Variants in PTPRD observed in about 807,000 individuals in gnomAD.
The protein encoded by PTPRD is receptor-type tyrosine-protein phosphatase delta.
In PTPRD, 34 loss-of-function variants were observed where a neutral mutation model predicts 214.5. The ratio of observed to expected loss-of-function variants is 0.16; its 90% CI spans 0.12 to 0.21. The LOEUF (loss-of-function observed/expected upper bound fraction) is 0.21, where lower values mean the gene tolerates loss of function less well. PTPRD is among the 10% of genes least tolerant of loss of function. The pLI, the probability that PTPRD is intolerant of heterozygous loss-of-function variation, is 1.00. For missense variants in PTPRD, 2,545 were observed against 2,398.7 expected, an observed-to-expected ratio of 1.06 and a Z score of -1.27; for synonymous variants, 1,128 against 845.7, an observed-to-expected ratio of 1.33 and a Z score of -5.79.
At chr9:8,409,776 C>T (rs1316694912) in intron 35 of PTPRD, among the ~76,000 whole-genome samples, 1 of 151,804 alleles carries the variant, frequency 6.6e-6, no homozygotes, top group Non-Finnish European at 1.5e-5. Context: ...AAAGAGAAAC[C>T]ACAAAAAAAG....
chr9:10,192,276 A>G (rs942166828), intron 3 of PTPRD, among the ~76,000 whole-genome samples: 2 of 151,994 alleles, frequency 1.3e-5, no homozygotes, highest in African/African-American at 4.8e-5. Flanking sequence ...TAATTGCCTG[A>G]GATGTTATGT....
chr9:10,324,923 C>T (rs551364220), intron 3 of PTPRD, among the ~76,000 whole-genome samples: 1 of 152,152 alleles, frequency 6.6e-6, no homozygotes, highest in South Asian at 2.1e-4. Context: ...TTTACCAACA[C>T]ACATACCATC....
At chr9:8,506,552 G>A (rs994672484) in intron 22 of PTPRD, among the ~76,000 whole-genome samples, 1 of 152,150 alleles carries the variant, frequency 6.6e-6, no homozygotes, top group Non-Finnish European at 1.5e-5. Flanking sequence ...ACTAGTGCGA[G>A]ACTTTGAGCA....
chr9:8,926,251 G>T (rs1409451512), intron 11 of PTPRD, among the ~76,000 whole-genome samples: 1 of 152,004 alleles, frequency 6.6e-6, no homozygotes, highest in Non-Finnish European at 1.5e-5. Context: ...TATTTCAGAT[G>T]TTACCACCTC....
intron 3 of PTPRD, among the ~76,000 whole-genome samples, chr9:10,097,894 G>A (rs1054409980): frequency 2.6e-5 from 4 of 151,764 alleles, no homozygotes; most frequent in Non-Finnish European, 4.4e-5. Context: ...CACTGTTGGC[G>A]AGACTGCAAA....
intron 44 of PTPRD, among the ~76,000 whole-genome samples, chr9:8,323,841 G>T (rs1442127502): frequency 2.0e-5 from 3 of 152,202 alleles, no homozygotes; most frequent in East Asian, 3.8e-4. Flanking sequence ...GCAGAGGAAT[G>T]ACTCCAATTT....
intron 11 of PTPRD, among the ~76,000 whole-genome samples, chr9:8,846,388 T>C (rs2097696892): frequency 6.6e-6 from 1 of 152,130 alleles, no homozygotes; most frequent in African/African-American, 2.4e-5. Flanking sequence ...GAGATGTCAC[T>C]GGGAATAAGA....
At chr9:8,534,263 A>T (rs754597502) in intron 14 of PTPRD, among the ~76,000 whole-genome samples, 4 of 151,912 alleles carry the variant, frequency 2.6e-5, no homozygotes, top group Non-Finnish European at 4.4e-5. Context: ...CCACATGTAT[A>T]AACACAATGA....
intron 44 of PTPRD, among the ~76,000 whole-genome samples, chr9:8,323,877 A>T (rs1036882513): frequency 1.3e-4 from 20 of 152,194 alleles, no homozygotes; most frequent in Admixed American, 6.5e-5. Flanking sequence ...TGTGAGTAAA[A>T]TGCTATCAAA....
At chr9:8,369,322 A>G (rs1001244938) in intron 39 of PTPRD, among the ~76,000 whole-genome samples, 3 of 151,940 alleles carry the variant, frequency 2.0e-5, no homozygotes, top group Non-Finnish European at 2.9e-5. Flanking sequence ...TTTCATCACT[A>G]TTGGGTTGGG....
intron 2 of PTPRD, among the ~76,000 whole-genome samples, chr9:10,380,857 T>C (rs1448590378): frequency 6.6e-6 from 1 of 152,056 alleles, no homozygotes; most frequent in Non-Finnish European, 1.5e-5. Context: ...TTGTGATTAG[T>C]CGATTATGCT....
In PTPRD at chr9:10,363,996, T is replaced by TTTG. The variant is rs1555222209; in HGVS notation, c.-599-22980_-599-22979insCAA. On this transcript the variant is annotated intron_variant, in intron 2 of 45. Coordinates refer to ENST00000381196, the MANE Select transcript of PTPRD (RefSeq NM_002839.4). ...TATTGCCTCCACATTTTCGGGTTTT[T>TTTG]TTTTTTTTTTTTTTTTTTTTTGAGA... Among the ~76,000 whole-genome samples, 5 of 98,632 alleles carry TTTG rather than the reference T, an allele frequency of 5.1e-5. 1 individual carries two copies. The highest frequency in any genetic ancestry group is 7.7e-5 in the African/African-American group (2 of 26,106). The allele number at this position is 98,632 out of a possible 152,430, so 64.7% of individuals were successfully genotyped here.
At chr9:9,038,777 G>A (rs1283272944) in intron 10 of PTPRD, among the ~76,000 whole-genome samples, 1 of 151,872 alleles carries the variant, frequency 6.6e-6, no homozygotes, top group Non-Finnish European at 1.5e-5. Flanking sequence ...GGCTGGTCTT[G>A]AACTCCTGAC....
intron 9 of PTPRD, among the ~76,000 whole-genome samples, chr9:9,230,082 G>C (rs558774670): frequency 2.6e-5 from 4 of 151,978 alleles, no homozygotes; most frequent in African/African-American, 4.8e-5. Context: ...AGTGTATTTG[G>C]TCTTTGTCCT....
intron 44 of PTPRD, among the ~76,000 whole-genome samples, chr9:8,326,252 C>T (rs975672167): frequency 2.0e-5 from 3 of 152,094 alleles, no homozygotes; most frequent in African/African-American, 7.2e-5. Context: ...CCATCAGTAC[C>T]TAGTTTTTTG....
intron 2 of PTPRD, among the ~76,000 whole-genome samples, chr9:10,430,737 C>T (rs922142183): frequency 6.6e-6 from 1 of 151,740 alleles, no homozygotes; most frequent in Non-Finnish European, 1.5e-5. Flanking sequence ...TTAGTGTTGG[C>T]AAAAGGTCAA....
chr9:9,202,370 T>C (rs1222692448), intron 9 of PTPRD, among the ~76,000 whole-genome samples: 1 of 152,216 alleles, frequency 6.6e-6, no homozygotes, highest in Non-Finnish European at 1.5e-5. Flanking sequence ...CATTTTAATT[T>C]TCTTTTGGAC....
intron 2 of PTPRD, among the ~76,000 whole-genome samples, chr9:10,578,810 G>C (rs1204740252): frequency 6.6e-6 from 1 of 152,086 alleles, no homozygotes; most frequent in African/African-American, 2.4e-5. Flanking sequence ...CAGAGGTTTG[G>C]GGTACAAACA....
At chr9:10,420,131 AAAGG>A (rs2098532403) in intron 2 of PTPRD, among the ~76,000 whole-genome samples, 1 of 151,882 alleles carries the variant, frequency 6.6e-6, no homozygotes, top group Admixed American at 6.6e-5. Flanking sequence ...AGGAGGAAGA[AAAGG>A]AAGGAAAAGG....
Sources: allele counts gnomAD v4.1 joint callset (sites outside exome capture counted in the v4.1 genomes callset), GRCh38; gene constraint gnomAD v4.1.1; transcripts MANE v1.5; gene names NCBI Gene and HGNC (gene_info 2026-07-23, HGNC 2026-07-21).